Variants in FAM222A observed in about 807,000 individuals in gnomAD.
FAM222A encodes the protein family with sequence similarity 222 member A.
FAM222A carries 7 observed loss-of-function variants against 25.8 expected under a neutral mutation model. The observed-to-expected ratio is 0.27, with a 90% CI of 0.15 to 0.51. FAM222A has a LOEUF of 0.51. Ranked by LOEUF, FAM222A falls within the 20% of genes least tolerant of loss-of-function variation. The pLI, the probability that FAM222A is intolerant of heterozygous loss-of-function variation, is 0.97. For missense variants in FAM222A, 573 were observed against 640.5 expected, an observed-to-expected ratio of 0.89 and a Z score of 1.14; for synonymous variants, 294 against 298.8, an observed-to-expected ratio of 0.98 and a Z score of 0.17.
At chr12:109,719,687 A>G (rs56848810) in intron 1 of FAM222A, among the ~76,000 whole-genome samples, 23,994 of 151,998 alleles carry the variant, frequency 0.16, 2,223 homozygotes, top group East Asian at 0.28. Context: ...TGTCTCTGGC[A>G]GAGGGAGTTT....
At position 109,768,845 on chromosome 12, in the gene FAM222A, A is replaced by C. The variant is rs776744269; in HGVS notation, c.916A>C (p.Ser306Arg). Residue 306 changes from serine to arginine, a missense_variant, in exon 3 of 3, where the codon AGC (serine) becomes CGC (arginine). Ser to Arg is a moderately radical substitution (Grantham distance 110). Coordinates refer to ENST00000538780, the MANE Select transcript of FAM222A (RefSeq NM_032829.3). Reference sequence around the variant, plus strand: ...CCAGCCACTGCGTGCCTACAGTGGGAGCACGGTGGCCAGCAAGTCCCCTGA... The same window carrying C: ...CCAGCCACTGCGTGCCTACAGTGGGCGCACGGTGGCCAGCAAGTCCCCTGA... ...PPQPLRAYSG[S>R]TVASKSPEAC... is the part of the protein sequence containing the mutation. 6.3e-7 allele frequency: 1 copy of C among 1,581,060 alleles called. No individual in the cohort carries two copies. The highest frequency in any genetic ancestry group is 8.5e-7 in the Non-Finnish European group (1 of 1,170,598).
intron 2 of FAM222A, among the ~76,000 whole-genome samples, chr12:109,757,999 G>A (rs1592796652): frequency 6.6e-6 from 1 of 152,208 alleles, no homozygotes; most frequent in African/African-American, 2.4e-5. Context: ...AAGGGAAACT[G>A]AGGCACATGG....
intron 1 of FAM222A, among the ~76,000 whole-genome samples, chr12:109,725,506 G>A (rs1247874962): frequency 6.8e-6 from 1 of 147,258 alleles, no homozygotes; most frequent in African/African-American, 2.5e-5. Flanking sequence ...CCAGCAGCCG[G>A]GCCCCGAGCG....
At chr12:109,758,222 G>A (rs940816568) in intron 2 of FAM222A, among the ~76,000 whole-genome samples, 8 of 152,198 alleles carry the variant, frequency 5.3e-5, no homozygotes, top group Non-Finnish European at 7.3e-5. Context: ...TTGCGTGTGT[G>A]CACATGTTAG....
intron 1 of FAM222A, among the ~76,000 whole-genome samples, chr12:109,737,221 G>T (rs978596266): frequency 2.0e-5 from 3 of 152,040 alleles, no homozygotes; most frequent in African/African-American, 7.2e-5. Flanking sequence ...GGATTGCATG[G>T]GCCAAAGCCT....
At chr12:109,735,065 C>T (rs1888048644) in intron 1 of FAM222A, among the ~76,000 whole-genome samples, 1 of 152,202 alleles carries the variant, frequency 6.6e-6, no homozygotes, top group African/African-American at 2.4e-5. Flanking sequence ...CCAGCCTGAC[C>T]CCCAGAAGCA....
At chr12:109,735,787 A>G (rs1888069493) in intron 1 of FAM222A, 8 of 152,256 alleles carry the variant, frequency 5.3e-5, no homozygotes. Context: ...GAAGCTGTTC[A>G]GTATCGATTC....
At chr12:109,750,596 A>G (rs1416126402) in intron 2 of FAM222A, among the ~76,000 whole-genome samples, 1 of 152,088 alleles carries the variant, frequency 6.6e-6, no homozygotes, top group Non-Finnish European at 1.5e-5. Context: ...TGTCACCACA[A>G]TCCCCACATT....
chr12:109,744,701 T>C (rs1369582506), intron 2 of FAM222A: 14 of 985,316 alleles, frequency 1.4e-5, no homozygotes, highest in Non-Finnish European at 1.7e-5. Flanking sequence ...AGGGGTCTGT[T>C]CTCACTATCT....
intron 2 of FAM222A, among the ~76,000 whole-genome samples, chr12:109,756,879 TTCTC>T (rs1172453973): frequency 6.6e-6 from 1 of 152,234 alleles, no homozygotes; most frequent in African/African-American, 2.4e-5. Flanking sequence ...TCTGGAAGTG[TTCTC>T]TCTTTTTTTT....
chr12:109,766,545 G>C (rs1018836683), intron 2 of FAM222A, among the ~76,000 whole-genome samples: 1 of 152,254 alleles, frequency 6.6e-6, no homozygotes, highest in African/African-American at 2.4e-5. Context: ...CCCATCTGCC[G>C]TGTTCACGTA....
chr12:109,743,413 G>A (rs1404237581), intron 1 of FAM222A, among the ~76,000 whole-genome samples: 4 of 152,230 alleles, frequency 2.6e-5, no homozygotes, highest in South Asian at 2.1e-4. Flanking sequence ...GCTGCCCTGC[G>A]GGGCACAGAT....
chr12:109,730,167 TCTC>T (rs1173091217), intron 1 of FAM222A, among the ~76,000 whole-genome samples: 7 of 152,140 alleles, frequency 4.6e-5, no homozygotes, highest in Non-Finnish European at 7.4e-5. Context: ...ACAGGCTGGC[TCTC>T]CTCCTTACCC....
At chr12:109,758,108 C>T (rs79490506) in intron 2 of FAM222A, among the ~76,000 whole-genome samples, 23,414 of 152,126 alleles carry the variant, frequency 0.15, 2,007 homozygotes, top group East Asian at 0.31. Context: ...GTGGAAGGTG[C>T]GTGTGGATAA....
At chr12:109,759,688 G>A (rs911404248) in intron 2 of FAM222A, among the ~76,000 whole-genome samples, 2 of 152,206 alleles carry the variant, frequency 1.3e-5, no homozygotes, top group African/African-American at 4.8e-5. Flanking sequence ...CAGAGTGGGG[G>A]AAGGAGTGGC....
intron 1 of FAM222A, among the ~76,000 whole-genome samples, chr12:109,737,609 A>C (rs755121822): frequency 5.3e-5 from 8 of 151,092 alleles, no homozygotes; most frequent in Non-Finnish European, 1.0e-4. Context: ...AAAGGTAAAA[A>C]TCCCCTTCTG....
intron 1 of FAM222A, among the ~76,000 whole-genome samples, chr12:109,729,423 G>T (rs1045828683): frequency 3.3e-5 from 5 of 152,142 alleles, no homozygotes; most frequent in Admixed American, 6.5e-5. Context: ...GAACCCAGTG[G>T]CATCTCCCTG....
chr12:109,762,023 A>G (rs1266438180), intron 2 of FAM222A, among the ~76,000 whole-genome samples: 2 of 148,370 alleles, frequency 1.3e-5, no homozygotes, highest in Non-Finnish European at 3.0e-5. Context: ...ACTACCTTCC[A>G]TCAACCATCC....
At chr12:109,759,357 G>A (rs11068159) in intron 2 of FAM222A, among the ~76,000 whole-genome samples, 3,689 of 152,200 alleles carry the variant, frequency 0.024, 149 homozygotes, top group African/African-American at 0.084. Flanking sequence ...CACAGGCCCT[G>A]TGGTGCAGAG....
Sources: gnomAD v4.1 joint callset for allele counts (sites outside exome capture counted in the v4.1 genomes callset) on GRCh38, gnomAD v4.1.1 for gene constraint, MANE v1.5 for transcripts, NCBI Gene and HGNC (gene_info 2026-07-23, HGNC 2026-07-21) for gene names.